RSPO2: variants seen among roughly 807,000 people sequenced by gnomAD.
RSPO2 encodes the protein R-spondin 2, also known as R-spondin-2.
Under a neutral mutation model 30.9 loss-of-function variants are expected in RSPO2, and 14 were observed. That is an observed-to-expected ratio of 0.45 (90% CI 0.30 to 0.71). The LOEUF is 0.71. RSPO2 is among the 30% of genes least tolerant of loss of function. The pLI, the probability that RSPO2 is intolerant of heterozygous loss-of-function variation, is 0.08. For missense variants in RSPO2, 264 were observed against 301.9 expected (o/e 0.87, Z 0.93); for synonymous variants, 107 against 96.4 (o/e 1.11, Z -0.64).
chr8:108,043,227 CG>C (rs1340713209), intron 2 of RSPO2, among the ~76,000 whole-genome samples: 1 of 151,962 alleles, frequency 6.6e-6, no homozygotes, highest in African/African-American at 2.4e-5. Context: ...CAATTTGTAG[CG>C]GGAAGTTTGT....
At chr8:107,967,030 T>A (rs1356325052) in intron 3 of RSPO2, among the ~76,000 whole-genome samples, 4 of 152,174 alleles carry the variant, frequency 2.6e-5, no homozygotes, top group Non-Finnish European at 4.4e-5. Context: ...TAAACTAGCA[T>A]CTCTGTTCAG....
chr8:108,040,162 T>A (rs1473962746), intron 2 of RSPO2, among the ~76,000 whole-genome samples: 3 of 152,060 alleles, frequency 2.0e-5, no homozygotes, highest in Admixed American at 2.0e-4. Context: ...AAAATAATAC[T>A]AAACACCCAT....
intron 3 of RSPO2, among the ~76,000 whole-genome samples, chr8:107,969,361 GTATT>G (rs1305993383): frequency 6.6e-6 from 1 of 152,078 alleles, no homozygotes; most frequent in Non-Finnish European, 1.5e-5. Context: ...TCAGGGAAAA[GTATT>G]TAACTTGAAG....
chr8:108,016,241 G>A (rs1563564919), intron 2 of RSPO2, among the ~76,000 whole-genome samples: 1 of 152,118 alleles, frequency 6.6e-6, no homozygotes, highest in African/African-American at 2.4e-5. Flanking sequence ...AGCTATTAAA[G>A]GATATATGCT....
intron 5 of RSPO2, among the ~76,000 whole-genome samples, chr8:107,934,399 T>C (rs1812651612): frequency 6.6e-6 from 1 of 151,738 alleles, no homozygotes; most frequent in African/African-American, 2.4e-5. Context: ...TTAGACAGAG[T>C]TTCACTCTTG....
At chr8:107,944,257 A>T (rs1186467646) in intron 5 of RSPO2, among the ~76,000 whole-genome samples, 1 of 152,228 alleles carries the variant, frequency 6.6e-6, no homozygotes, top group Non-Finnish European at 1.5e-5. Context: ...AGGACTAAGG[A>T]AAGATAATAA....
intron 5 of RSPO2, among the ~76,000 whole-genome samples, chr8:107,929,206 A>G (rs146181014): frequency 3.2e-4 from 48 of 152,322 alleles, no homozygotes; most frequent in African/African-American, 1.1e-3. Flanking sequence ...CAGCTTTGCA[A>G]AAGTAATTTT....
chr8:108,072,309 T>C (rs1040253206), intron 2 of RSPO2, among the ~76,000 whole-genome samples: 10 of 143,538 alleles, frequency 7.0e-5, no homozygotes, highest in Admixed American at 6.3e-4. Flanking sequence ...AACAATGAGA[T>C]GGCAGAGAAC....
chr8:107,979,075 T>C (rs1300062932), intron 3 of RSPO2, among the ~76,000 whole-genome samples: 12 of 152,210 alleles, frequency 7.9e-5, no homozygotes, highest in Non-Finnish European at 1.5e-4. Flanking sequence ...ACTTTTACAT[T>C]GTTGGTGGGA....
intron 5 of RSPO2, among the ~76,000 whole-genome samples, chr8:107,948,729 G>A (rs1213250941): frequency 3.9e-5 from 6 of 151,988 alleles, no homozygotes; most frequent in South Asian, 2.1e-4. Flanking sequence ...GCGTGGTGGC[G>A]GGTGCCTGTG....
intron 2 of RSPO2, among the ~76,000 whole-genome samples, chr8:108,042,861 T>G (rs1176015460): frequency 6.6e-6 from 1 of 152,118 alleles, no homozygotes; most frequent in Non-Finnish European, 1.5e-5. Flanking sequence ...TAGACCCTCC[T>G]TCCTTCACAT....
intron 5 of RSPO2, among the ~76,000 whole-genome samples, chr8:107,949,890 G>A (rs1813186533): frequency 6.6e-6 from 1 of 152,120 alleles, no homozygotes; most frequent in African/African-American, 2.4e-5. Flanking sequence ...TCCTGAATCA[G>A]TATTACTCAT....
At chr8:108,022,147 A>C (rs1366127401) in intron 2 of RSPO2, among the ~76,000 whole-genome samples, 1 of 152,098 alleles carries the variant, frequency 6.6e-6, no homozygotes, top group Non-Finnish European at 1.5e-5. Context: ...CATGCTACAA[A>C]AGTCCTATCA....
chr8:108,000,187 G>A (rs1295077672), intron 2 of RSPO2, among the ~76,000 whole-genome samples: 1 of 152,134 alleles, frequency 6.6e-6, no homozygotes, highest in Non-Finnish European at 1.5e-5. Context: ...CACAGAACAT[G>A]ATAAACACAT....
At chr8:108,078,536 A>T (rs1813084361) in intron 2 of RSPO2, among the ~76,000 whole-genome samples, 1 of 152,350 alleles carries the variant, frequency 6.6e-6, no homozygotes, top group Non-Finnish European at 1.5e-5. Context: ...TGTAAAAAAA[A>T]AATTCGAATC....
chr8:108,053,303 C>A (rs929134677), intron 2 of RSPO2, among the ~76,000 whole-genome samples: 1 of 152,136 alleles, frequency 6.6e-6, no homozygotes, highest in Admixed American at 6.5e-5. Flanking sequence ...TTCCTCCATA[C>A]CTAGAATCTC....
chr8:107,910,640 C>T (rs1294954719), intron 5 of RSPO2, among the ~76,000 whole-genome samples: 1 of 152,172 alleles, frequency 6.6e-6, no homozygotes, highest in Non-Finnish European at 1.5e-5. Context: ...GTATGCTCCA[C>T]AAAGAATCAT....
At chr8:107,991,247 C>G (rs1440844081) in intron 2 of RSPO2, among the ~76,000 whole-genome samples, 1 of 121,186 alleles carries the variant, frequency 8.3e-6, no homozygotes, top group Admixed American at 8.3e-5. Context: ...AACTCCATCT[C>G]AAACACACAC....
intron 2 of RSPO2, among the ~76,000 whole-genome samples, chr8:108,042,460 A>G (rs1811787640): frequency 6.6e-6 from 1 of 152,162 alleles, no homozygotes; most frequent in African/African-American, 2.4e-5. Context: ...TCACAAGAGG[A>G]AGATTCCAGA....
Sources: allele counts gnomAD v4.1 joint callset (sites outside exome capture counted in the v4.1 genomes callset), GRCh38; gene constraint gnomAD v4.1.1; transcripts MANE v1.5; gene names NCBI Gene and HGNC (gene_info 2026-07-23, HGNC 2026-07-21).